CNRIP1: variants seen among roughly 807,000 people sequenced by gnomAD.
The protein encoded by CNRIP1 is CB1 cannabinoid receptor-interacting protein 1.
A neutral mutation model predicts 15.2 loss-of-function variants in CNRIP1; 10 were observed. The observed-to-expected ratio is 0.66, with a 90% CI of 0.41 to 1.12. CNRIP1 has a LOEUF of 1.12. Ranked by LOEUF, CNRIP1 falls within the 50% of genes most tolerant of loss-of-function variation. CNRIP1 has a pLI of 0.00. For missense variants in CNRIP1, 211 were observed against 214.7 expected, an observed-to-expected ratio of 0.98 and a Z score of 0.11; for synonymous variants, 91 against 83.2, an observed-to-expected ratio of 1.09 and a Z score of -0.51.
chr2:68,311,284 A>G (rs1216767634), intron 2 of CNRIP1, among the ~76,000 whole-genome samples: 1 of 152,138 alleles, frequency 6.6e-6, no homozygotes, highest in Non-Finnish European at 1.5e-5. Flanking sequence ...ATTTTACTGT[A>G]TATGTATTAT....
intron 2 of CNRIP1, among the ~76,000 whole-genome samples, chr2:68,298,716 G>A (rs892471291): frequency 3.3e-5 from 5 of 152,114 alleles, no homozygotes; most frequent in Admixed American, 1.3e-4. Context: ...TCCTCTCCCC[G>A]ATGCCTTAGC....
At chr2:68,313,202 T>C (rs1031162667) in intron 2 of CNRIP1, among the ~76,000 whole-genome samples, 4 of 152,118 alleles carry the variant, frequency 2.6e-5, no homozygotes, top group African/African-American at 7.2e-5. Context: ...AAGACATACA[T>C]TGAGTATGTA....
intron 2 of CNRIP1, chr2:68,284,502 C>G (rs1199928371): frequency 6.6e-7 from 1 of 1,522,306 alleles, no homozygotes; most frequent in Admixed American, 2.1e-5. Flanking sequence ...TAAATAGATA[C>G]CAGAATAAGT....
Position 68,319,513 on chromosome 2 carries a change from T to A in CNRIP1, c.-113A>T. The A allele has an allele frequency of 1.8e-6, 2 of 1,117,710 alleles. No individual in the cohort carries two copies. The highest frequency in any genetic ancestry group is 2.4e-6 in the Non-Finnish European group (2 of 827,006). 69.2% of individuals were successfully genotyped at this position (1,117,710 alleles called of 1,614,324 possible). On this transcript the variant is annotated 5_prime_UTR_variant, in exon 1 of 3. Coordinates refer to ENST00000263655, the MANE Select transcript of CNRIP1 (RefSeq NM_015463.3). ...GGAAGCGCGGGGAGGGTGAGGGAGG[T>A]GGTGGAGCTGAGGCTGCCGCTAGGA...
chr2:68,310,788 C>A (rs1323666245), intron 2 of CNRIP1, among the ~76,000 whole-genome samples: 1 of 150,306 alleles, frequency 6.7e-6, no homozygotes. Flanking sequence ...TACTTCAAAC[C>A]AGCAATTACA....
At chr2:68,310,705 C>T (rs542881655) in intron 2 of CNRIP1, among the ~76,000 whole-genome samples, 1 of 95,452 alleles carries the variant, frequency 1.0e-5, no homozygotes, top group East Asian at 3.4e-4. Context: ...GAAAGTGTGA[C>T]CCATATTAAA....
intron 2 of CNRIP1, among the ~76,000 whole-genome samples, chr2:68,307,534 C>T (rs1005727600): frequency 2.0e-5 from 3 of 152,086 alleles, no homozygotes; most frequent in Non-Finnish European, 4.4e-5. Flanking sequence ...CTATATTGCT[C>T]AGGCTAGTCT....
At chr2:68,317,036 C>G (rs772593844) in intron 2 of CNRIP1, 121 bp downstream of exon 2, 2 of 1,224,322 alleles carry the variant, frequency 1.6e-6, no homozygotes, top group Non-Finnish European at 2.4e-6. Flanking sequence ...ATCCACAACT[C>G]AATTTCCACA....
At chr2:68,287,897 C>T (rs1440429787) in intron 2 of CNRIP1, among the ~76,000 whole-genome samples, 3 of 152,186 alleles carry the variant, frequency 2.0e-5, no homozygotes, top group South Asian at 2.1e-4. Context: ...ATTAATAATA[C>T]GAACGTGACA....
chr2:68,299,747 T>C (rs1035828144), intron 2 of CNRIP1, among the ~76,000 whole-genome samples: 1 of 152,216 alleles, frequency 6.6e-6, no homozygotes, highest in Non-Finnish European at 1.5e-5. Context: ...ACACATCTGA[T>C]TCCAAGGAGA....
downstream of CNRIP1, among the ~76,000 whole-genome samples, chr2:68,288,658 G>A (rs1671090759): frequency 6.6e-6 from 1 of 152,142 alleles, no homozygotes; most frequent in African/African-American, 2.4e-5. Flanking sequence ...GAGAACTATA[G>A]GCAAATGAGT....
intron 2 of CNRIP1, among the ~76,000 whole-genome samples, chr2:68,306,124 CAAAAAAAAAAAA>C (rs61586261): frequency 3.9e-5 from 1 of 25,328 alleles, no homozygotes; most frequent in African/African-American, 1.5e-4. Context: ...CCCACCTCTA[CAAAAAAAAAAAA>C]AAAAAAAAAA....
intron 1 of CNRIP1, among the ~76,000 whole-genome samples, chr2:68,318,786 C>T (rs1672376013): frequency 6.6e-6 from 1 of 152,214 alleles, no homozygotes; most frequent in South Asian, 2.1e-4. Context: ...TTTCTCCCTC[C>T]TTCAGCCTTG....
chr2:68,306,324 A>C lies in CNRIP1; in HGVS notation c.330+10833T>G, dbSNP rs916915051. 3.4e-5 allele frequency among the ~76,000 whole-genome samples: 5 copies of C among 147,880 alleles called. No homozygotes were observed. The South Asian group carries it at 1.1e-3, about 31-fold the overall frequency. Reference sequence around the variant, plus strand: ...TGGTAATAGTGAGATCCTATCTCAAAAAAAAAAAAAAAAGGAAAAAAAAGA... The same window carrying C: ...TGGTAATAGTGAGATCCTATCTCAACAAAAAAAAAAAAAGGAAAAAAAAGA... On this transcript the variant is annotated intron_variant, in intron 2 of 2. Transcript: ENST00000263655.
At chr2:68,285,961 G>A (rs1671022624) in intron 2 of CNRIP1, among the ~76,000 whole-genome samples, 1 of 152,168 alleles carries the variant, frequency 6.6e-6, no homozygotes, top group South Asian at 2.1e-4. Context: ...GTTAAAGATA[G>A]TCTGTGTTCA....
At chr2:68,312,777 A>T (rs1290196119) in intron 2 of CNRIP1, among the ~76,000 whole-genome samples, 1 of 152,158 alleles carries the variant, frequency 6.6e-6, no homozygotes, top group Non-Finnish European at 1.5e-5. Flanking sequence ...ATACAAAAAA[A>T]ATCGATTTTA....
At chr2:68,303,126 G>A (rs909341258) in intron 2 of CNRIP1, among the ~76,000 whole-genome samples, 5 of 152,066 alleles carry the variant, frequency 3.3e-5, no homozygotes, top group Admixed American at 1.3e-4. Context: ...GATTACAGGC[G>A]TGAGTCACCG....
chr2:68,311,341 T>C (rs908764859), intron 2 of CNRIP1, among the ~76,000 whole-genome samples: 2 of 151,118 alleles, frequency 1.3e-5, no homozygotes, highest in Non-Finnish European at 2.9e-5. Context: ...GGAATAAATA[T>C]AGGATTAGAA....
intron 2 of CNRIP1, among the ~76,000 whole-genome samples, chr2:68,297,567 CAAAAAAAAAAAAAAAAA>C (rs112601365): frequency 3.0e-5 from 3 of 98,870 alleles, no homozygotes; most frequent in East Asian, 2.3e-4. Context: ...GACACTGTCT[CAAAAAAAAAAAAAAAAA>C]AAAAAAAAAA....
Sources: gnomAD v4.1 joint callset for allele counts (sites outside exome capture counted in the v4.1 genomes callset) on GRCh38, gnomAD v4.1.1 for gene constraint, MANE v1.5 for transcripts, NCBI Gene and HGNC (gene_info 2026-07-23, HGNC 2026-07-21) for gene names.